Variants in PHACTR3 observed in about 807,000 individuals in gnomAD.
PHACTR3 encodes the protein phosphatase and actin regulator 3.
In PHACTR3, 16 loss-of-function variants were observed where a neutral mutation model predicts 66.8. That is an observed-to-expected ratio of 0.24 (90% CI 0.16 to 0.36). The LOEUF (loss-of-function observed/expected upper bound fraction) is 0.36, where lower values mean the gene tolerates loss of function less well. PHACTR3 is among the 10% of genes least tolerant of loss of function. The pLI, the probability that PHACTR3 is intolerant of heterozygous loss-of-function variation, is 1.00. For missense variants in PHACTR3, 647 were observed against 719.9 expected, an observed-to-expected ratio of 0.90 and a Z score of 1.16; for synonymous variants, 323 against 292.1, an observed-to-expected ratio of 1.11 and a Z score of -1.08.
intron 1 of PHACTR3, among the ~76,000 whole-genome samples, chr20:59,678,104 G>A (rs1463607743): frequency 2.0e-5 from 3 of 152,096 alleles, no homozygotes; most frequent in African/African-American, 7.2e-5. Flanking sequence ...GAGCCCATAG[G>A]TAGCTTGGCA....
Position 59,829,513 on chromosome 20 carries a change from C to T in PHACTR3, c.1329-6992C>T, listed in dbSNP as rs1171032516. ...CATCCGTGCACCCAGATGGTGTGCG[C>T]CTGGGGGCAAGCAGACGAGACATCT... is the stretch of plus-strand genomic sequence containing the variant. On this transcript the variant is annotated intron_variant, in intron 8 of 12. Transcript: ENST00000371015. This position sits in a 1 kb window ranked among gnomAD's most constrained non-coding sequence, Gnocchi z 4.2. Among the ~76,000 whole-genome samples, 1 of 152,216 alleles carries T rather than the reference C, an allele frequency of 6.6e-6. No individual in the cohort carries two copies. The highest frequency in any genetic ancestry group is 1.5e-5 in the Non-Finnish European group (1 of 68,032).
At chr20:59,762,036 G>A (rs559109587) in intron 4 of PHACTR3, among the ~76,000 whole-genome samples, 4 of 152,304 alleles carry the variant, frequency 2.6e-5, no homozygotes, top group Non-Finnish European at 4.4e-5. Context: ...GCACACTCAC[G>A]TGAGATGCAG....
intron 1 of PHACTR3, among the ~76,000 whole-genome samples, chr20:59,726,223 TCA>T (rs1291968455): frequency 6.6e-6 from 1 of 152,202 alleles, no homozygotes; most frequent in Non-Finnish European, 1.5e-5. Context: ...TCTGCATAAA[TCA>T]CAGTCATGCT....
intron 7 of PHACTR3, among the ~76,000 whole-genome samples, chr20:59,790,833 A>G (rs2041068560): frequency 6.6e-6 from 1 of 152,222 alleles, no homozygotes. Context: ...GGGCAGAGAA[A>G]GGAATACTAT....
intron 7 of PHACTR3, among the ~76,000 whole-genome samples, chr20:59,793,344 A>C (rs1360791420): frequency 5.3e-5 from 8 of 152,296 alleles, no homozygotes. Context: ...ATTTTGATAA[A>C]GATTGCATTG....
chr20:59,593,195 T>A (rs2033235917), intron 1 of PHACTR3, among the ~76,000 whole-genome samples: 1 of 152,216 alleles, frequency 6.6e-6, no homozygotes, highest in Non-Finnish European at 1.5e-5. Flanking sequence ...ACTTTGGCCA[T>A]TCTGATGGGT....
intron 1 of PHACTR3, among the ~76,000 whole-genome samples, chr20:59,597,912 GCTCT>G (rs1160653168): frequency 2.0e-5 from 3 of 152,208 alleles, no homozygotes; most frequent in African/African-American, 7.2e-5. Context: ...TCTGTAAGTG[GCTCT>G]CTCTGTCTAT....
intron 7 of PHACTR3, among the ~76,000 whole-genome samples, chr20:59,799,549 G>A (rs1166412726): frequency 1.3e-5 from 2 of 152,166 alleles, no homozygotes; most frequent in East Asian, 3.9e-4. Context: ...AACCTGATGA[G>A]GTTTCTTGCT....
chr20:59,595,307 C>T (rs1251096846), intron 1 of PHACTR3, among the ~76,000 whole-genome samples: 1 of 152,034 alleles, frequency 6.6e-6, no homozygotes, highest in African/African-American at 2.4e-5. Flanking sequence ...CTAAAAAATA[C>T]AAAACTTAGC....
chr20:59,584,640 A>G (rs2032967759), intron 1 of PHACTR3, among the ~76,000 whole-genome samples: 1 of 152,110 alleles, frequency 6.6e-6, no homozygotes, highest in Non-Finnish European at 1.5e-5. Context: ...TGCTCTGACC[A>G]GAGGCTTAGG....
chr20:59,701,723 G>T (rs994062420), intron 1 of PHACTR3, among the ~76,000 whole-genome samples: 1 of 152,172 alleles, frequency 6.6e-6, no homozygotes, highest in Non-Finnish European at 1.5e-5. Context: ...AAATGTTGAT[G>T]AATTATTAAC....
rs912040437 is a variant in PHACTR3 at position 59,605,217 on chromosome 20, C to T, written c.118+85C>T. On this transcript the variant is annotated intron_variant, in intron 1 of 12. Coordinates refer to ENST00000371015, the MANE Select transcript of PHACTR3 (RefSeq NM_080672.5). ...GAGCAGGACCCCGCGAGGCTCCGCG[C>T]CCCGCCTGCATTCGGGGAGCCGCGG... The T allele has an allele frequency of 6.1e-6, 6 of 976,332 alleles. No individual in the cohort carries two copies. In the Admixed American group the frequency reaches 1.7e-4, roughly 28 times the overall value. The allele number at this position is 976,332 out of a possible 1,614,324, so 60.5% of individuals were successfully genotyped here. A position where few individuals can be genotyped will look rare whatever the true frequency, so the allele number is the denominator to read the frequency against.
At chr20:59,713,903 A>T (rs1408543288) in intron 1 of PHACTR3, among the ~76,000 whole-genome samples, 2 of 151,796 alleles carry the variant, frequency 1.3e-5, no homozygotes, top group Admixed American at 1.3e-4. Context: ...AATCTCCCCC[A>T]CCCACCCTTG....
intron 1 of PHACTR3, among the ~76,000 whole-genome samples, chr20:59,606,308 C>CG (rs1354486993): frequency 1.3e-5 from 2 of 151,984 alleles, no homozygotes; most frequent in Non-Finnish European, 2.9e-5. Flanking sequence ...ATCCCTCCCC[C>CG]CCCCATTTGA....
intron 1 of PHACTR3, among the ~76,000 whole-genome samples, chr20:59,643,491 T>G (rs1424289053): frequency 6.6e-6 from 1 of 152,228 alleles, no homozygotes; most frequent in Non-Finnish European, 1.5e-5. Context: ...TTTTGCTAAA[T>G]TTTGCAACAA....
At chr20:59,644,098 G>A (rs373136495) in intron 1 of PHACTR3, among the ~76,000 whole-genome samples, 34 of 152,276 alleles carry the variant, frequency 2.2e-4, no homozygotes, top group African/African-American at 7.9e-4. Context: ...AAAGGTTATG[G>A]ATGCAATGGA....
chr20:59,687,279 A>G (rs59971656), intron 1 of PHACTR3, among the ~76,000 whole-genome samples: 66,429 of 151,598 alleles, frequency 0.44, 16,687 homozygotes, highest in East Asian at 0.82. Context: ...TGATGATCAT[A>G]GTGGTGTTGG....
chr20:59,698,422 G>A (rs2037377519), intron 1 of PHACTR3, among the ~76,000 whole-genome samples: 1 of 151,392 alleles, frequency 6.6e-6, no homozygotes, highest in African/African-American at 2.4e-5. Flanking sequence ...TTCTGGGAGT[G>A]TTGAATGATA....
At chr20:59,690,533 G>A (rs2037072486) in intron 1 of PHACTR3, among the ~76,000 whole-genome samples, 1 of 152,162 alleles carries the variant, frequency 6.6e-6, no homozygotes, top group African/African-American at 2.4e-5. Flanking sequence ...GTGCTTCTTT[G>A]GGCACAGGAG....
Sources: gnomAD v4.1 joint callset for allele counts (sites outside exome capture counted in the v4.1 genomes callset) on GRCh38, gnomAD v4.1.1 for gene constraint, Gnocchi (gnomAD v3.1) non-coding constraint, MANE v1.5 for transcripts, NCBI Gene and HGNC (gene_info 2026-07-23, HGNC 2026-07-21) for gene names.